Variants in AFF3 observed in about 807,000 individuals in gnomAD.
AFF3 encodes ALF transcription elongation factor 3.
A neutral mutation model predicts 129.7 loss-of-function variants in AFF3; 32 were observed. That is an observed-to-expected ratio of 0.25 (90% CI 0.19 to 0.33). The LOEUF (loss-of-function observed/expected upper bound fraction) is 0.33. AFF3 is among the 10% of genes least tolerant of loss of function. The pLI, the probability that AFF3 is intolerant of heterozygous loss-of-function variation, is 1.00. For missense variants in AFF3, 1,373 were observed against 1,592.0 expected (o/e 0.86, Z 2.34); for synonymous variants, 644 against 635.4 (o/e 1.01, Z -0.20).
At chr2:99,714,594 T>C (rs1376587442) in intron 11 of AFF3, among the ~76,000 whole-genome samples, 1 of 152,238 alleles carries the variant, frequency 6.6e-6, no homozygotes, top group Admixed American at 6.5e-5. Context: ...ATTTTAGACA[T>C]ATATTGCTAG....
chr2:99,901,381 G>A (rs1002916347), intron 7 of AFF3, among the ~76,000 whole-genome samples: 4 of 152,196 alleles, frequency 2.6e-5, no homozygotes, highest in African/African-American at 9.7e-5. Context: ...GCAGCAATCT[G>A]TGTTTCTCCC....
At chr2:99,632,041 A>G (rs1183543811) in intron 13 of AFF3, among the ~76,000 whole-genome samples, 2 of 103,272 alleles carry the variant, frequency 1.9e-5, no homozygotes, top group African/African-American at 4.0e-5. Flanking sequence ...TTTTAGATAG[A>G]GTCTCGCTTT....
intron 23 of AFF3, 52 bp from the exon 24 acceptor site, chr2:99,554,586 G>A: frequency 1.2e-6 from 2 of 1,608,828 alleles, no homozygotes; most frequent in Non-Finnish European, 1.7e-6. Flanking sequence ...GAGCAAGCGA[G>A]GCAGGGCAGC....
chr2:99,919,187 C>T (rs1301029683), intron 7 of AFF3, among the ~76,000 whole-genome samples: 1 of 152,136 alleles, frequency 6.6e-6, no homozygotes, highest in Non-Finnish European at 1.5e-5. Context: ...GCACCTAATT[C>T]TTCTTTTATG....
chr2:99,862,885 G>T lies in AFF3; in HGVS notation c.874-25361C>A, dbSNP rs115537313. ...CAATGGCAATTAAAAAGACCCCTTT[G>T]GTCATTCCACACTACTCTCTACTCC... On this transcript the variant is annotated intron_variant, in intron 7 of 24. Coordinates refer to ENST00000672756, the MANE Select transcript of AFF3 (RefSeq NM_001386135.1). Among the ~76,000 whole-genome samples the T allele has an allele frequency of 5.8e-3, 877 of 152,210 alleles. 1 individual carries two copies. The highest frequency in any genetic ancestry group is 0.02 in the African/African-American group (848 of 41,514).
chr2:100,037,051 G>A (rs186632031), intron 4 of AFF3, among the ~76,000 whole-genome samples: 9 of 152,060 alleles, frequency 5.9e-5, no homozygotes, highest in African/African-American at 2.2e-4. Context: ...GAAAGCTCAC[G>A]TCCTCTAATC....
chr2:99,752,576 G>C (rs1008793679), intron 8 of AFF3, among the ~76,000 whole-genome samples: 1 of 152,152 alleles, frequency 6.6e-6, no homozygotes, highest in African/African-American at 2.4e-5. Flanking sequence ...TTAAGGTCCT[G>C]AGTAAAGGGA....
At chr2:100,001,367 A>T (rs1681391662) in intron 7 of AFF3, among the ~76,000 whole-genome samples, 1 of 152,218 alleles carries the variant, frequency 6.6e-6, no homozygotes, top group Admixed American at 6.5e-5. Context: ...TCACAAGACT[A>T]TAGAAACTGA....
chr2:99,922,915 G>C (rs1003961684), intron 7 of AFF3, among the ~76,000 whole-genome samples: 2 of 152,164 alleles, frequency 1.3e-5, no homozygotes, highest in Admixed American at 6.5e-5. Flanking sequence ...CTCTCAGCCA[G>C]GGAAGGCTGC....
chr2:99,659,277 C>T (rs767622628), intron 12 of AFF3, among the ~76,000 whole-genome samples: 1 of 152,216 alleles, frequency 6.6e-6, no homozygotes, highest in African/African-American at 2.4e-5. Flanking sequence ...GGCAAGGCAA[C>T]TGTGCCTTCT....
intron 11 of AFF3, among the ~76,000 whole-genome samples, chr2:99,715,757 C>T (rs758587346): frequency 3.3e-5 from 5 of 151,766 alleles, no homozygotes; most frequent in East Asian, 1.9e-4. Context: ...CTGCAAGCTC[C>T]GCCTCCCAGG....
At chr2:100,053,666 C>G (rs1034286616) in intron 4 of AFF3, among the ~76,000 whole-genome samples, 10 of 152,168 alleles carry the variant, frequency 6.6e-5, no homozygotes, top group African/African-American at 2.4e-4. Context: ...TCTGCTGATT[C>G]AAGAAGAGGA....
At chr2:99,616,607 T>G (rs1186725397) in intron 13 of AFF3, among the ~76,000 whole-genome samples, 3 of 152,012 alleles carry the variant, frequency 2.0e-5, no homozygotes, top group African/African-American at 7.2e-5. Context: ...TACAAAAAAA[T>G]TAGCTGGGTG....
chr2:99,781,217 T>C (rs1199830283), intron 8 of AFF3, among the ~76,000 whole-genome samples: 1 of 152,132 alleles, frequency 6.6e-6, no homozygotes, highest in Admixed American at 6.6e-5. Flanking sequence ...CTCCCTCCCT[T>C]ACTTGATAGA....
chr2:99,599,591 C>T (rs1262354952), intron 14 of AFF3, among the ~76,000 whole-genome samples: 3 of 152,164 alleles, frequency 2.0e-5, no homozygotes, highest in Non-Finnish European at 2.9e-5. Context: ...CCAGCCAACA[C>T]AGGAGCTCTA....
intron 2 of AFF3, chr2:100,106,591 C>A: frequency 1.0e-6 from 1 of 989,504 alleles, no homozygotes; most frequent in Non-Finnish European, 1.2e-6. Flanking sequence ...GCAGGAACAG[C>A]CCCTGTCTGG....
At chr2:99,801,713 A>G (rs1038711368) in intron 8 of AFF3, among the ~76,000 whole-genome samples, 11 of 152,194 alleles carry the variant, frequency 7.2e-5, no homozygotes, top group African/African-American at 2.4e-4. Flanking sequence ...ATTCTTAATT[A>G]TGTCCCTGAA....
chr2:99,844,756 T>C (rs943590734), intron 7 of AFF3, among the ~76,000 whole-genome samples: 2 of 152,104 alleles, frequency 1.3e-5, no homozygotes, highest in African/African-American at 4.8e-5. Flanking sequence ...ATGATTTTAC[T>C]GTATTAAAAC....
At chr2:99,902,070 T>C (rs534960200) in intron 7 of AFF3, among the ~76,000 whole-genome samples, 4 of 151,706 alleles carry the variant, frequency 2.6e-5, no homozygotes, top group African/African-American at 9.7e-5. Flanking sequence ...CCCTCCTGGG[T>C]GCTCCCACAG....
Sources: gnomAD v4.1 joint callset for allele counts (sites outside exome capture counted in the v4.1 genomes callset) on GRCh38, gnomAD v4.1.1 for gene constraint, MANE v1.5 for transcripts, NCBI Gene and HGNC (gene_info 2026-07-23, HGNC 2026-07-21) for gene names.